The following PRKAR1B variants were observed in gnomAD, a reference collection of about 807,000 sequenced individuals.
PRKAR1B encodes protein kinase cAMP-dependent type I regulatory subunit beta.
PRKAR1B carries 22 observed loss-of-function variants against 46.5 expected under a neutral mutation model. The observed-to-expected ratio is 0.47, with a 90% CI of 0.34 to 0.68. The LOEUF (loss-of-function observed/expected upper bound fraction) is 0.68, where lower values mean the gene tolerates loss of function less well. PRKAR1B is among the 30% of genes least tolerant of loss of function. PRKAR1B has a pLI of 0.01. For missense variants in PRKAR1B, 445 were observed against 535.6 expected (o/e 0.83, Z 1.67); for synonymous variants, 259 against 217.7 (o/e 1.19, Z -1.67).
At chr7:574,946 C>T (rs953786158) in intron 9 of PRKAR1B, among the ~76,000 whole-genome samples, 9 of 152,376 alleles carry the variant, frequency 5.9e-5, no homozygotes, top group African/African-American at 2.2e-4. Flanking sequence ...AGTCGTCCTG[C>T]TGGCGGTGGA....
intron 6 of PRKAR1B, among the ~76,000 whole-genome samples, chr7:599,579 C>T (rs1052356918): frequency 2.8e-4 from 43 of 152,340 alleles, no homozygotes; most frequent in Admixed American, 2.1e-3. Flanking sequence ...TGAGCCACCA[C>T]GCCCAGCTTC....
At chr7:597,294 A>G (rs1781320113) in intron 6 of PRKAR1B, among the ~76,000 whole-genome samples, 1 of 152,246 alleles carries the variant, frequency 6.6e-6, no homozygotes, top group Non-Finnish European at 1.5e-5. Flanking sequence ...AGAGTCTTCT[A>G]TCTGAAAGAA....
intron 2 of PRKAR1B, among the ~76,000 whole-genome samples, chr7:710,106 T>C (rs1396937455): frequency 1.3e-5 from 2 of 152,224 alleles, no homozygotes; most frequent in Non-Finnish European, 2.9e-5. Flanking sequence ...GGAAGAGTTA[T>C]ATTCACTCCT....
intron 6 of PRKAR1B, among the ~76,000 whole-genome samples, chr7:601,044 C>A (rs747102494): frequency 1.3e-5 from 2 of 152,180 alleles, no homozygotes; most frequent in Non-Finnish European, 2.9e-5. Context: ...CAGAGGGCAG[C>A]GTCCACCCTG....
chr7:698,709 T>A (rs1479882321), intron 2 of PRKAR1B, among the ~76,000 whole-genome samples: 1 of 152,066 alleles, frequency 6.6e-6, no homozygotes, highest in Non-Finnish European at 1.5e-5. Flanking sequence ...CGCACAGCTA[T>A]GCATCTGGGT....
chr7:598,561 C>G (rs1404801963), intron 6 of PRKAR1B, among the ~76,000 whole-genome samples: 1 of 150,354 alleles, frequency 6.7e-6, no homozygotes, highest in African/African-American at 2.5e-5. Context: ...TAGATACCAT[C>G]ACCCTCCAGC....
chr7:577,027 G>A (rs771191462), intron 9 of PRKAR1B, among the ~76,000 whole-genome samples: 33 of 138,126 alleles, frequency 2.4e-4, no homozygotes, highest in African/African-American at 4.5e-4. Context: ...CTCACCCAAC[G>A]CCATCAGCGG....
chr7:715,570 G>A (rs908049712), intron 1 of PRKAR1B, among the ~76,000 whole-genome samples: 2 of 152,020 alleles, frequency 1.3e-5, no homozygotes, highest in African/African-American at 4.8e-5. Flanking sequence ...CTACCCCCTG[G>A]GGTAGGTTAT....
At chr7:693,215 G>A (rs1779535135) in intron 2 of PRKAR1B, among the ~76,000 whole-genome samples, 1 of 151,162 alleles carries the variant, frequency 6.6e-6, no homozygotes, top group African/African-American at 2.4e-5. Flanking sequence ...GATTACAGGT[G>A]AGAGCCAGTG....
At chr7:586,886 C>CTTTTT (rs67760235) in intron 7 of PRKAR1B, among the ~76,000 whole-genome samples, 2 of 129,324 alleles carry the variant, frequency 1.5e-5, no homozygotes, top group African/African-American at 5.9e-5. Context: ...ATCCCACCTT[C>CTTTTT]TTTTTTTTTT....
At chr7:586,804 C>G (rs1780626381) in intron 7 of PRKAR1B, among the ~76,000 whole-genome samples, 1 of 151,946 alleles carries the variant, frequency 6.6e-6, no homozygotes, top group Admixed American at 6.6e-5. Flanking sequence ...AGGCGGCTGG[C>G]ATAACACCCT....
chr7:681,104 C>T (rs1778657232), intron 2 of PRKAR1B, among the ~76,000 whole-genome samples: 1 of 151,986 alleles, frequency 6.6e-6, no homozygotes, highest in Non-Finnish European at 1.5e-5. Context: ...TGATGGGTTT[C>T]CAAGGGACTC....
intron 2 of PRKAR1B, among the ~76,000 whole-genome samples, chr7:709,371 CTTTTT>C (rs71016898): frequency 1.0e-5 from 1 of 95,642 alleles, no homozygotes; most frequent in Non-Finnish European, 2.1e-5. Flanking sequence ...GTATGTATTT[CTTTTT>C]TTTTTTTTTT....
chr7:618,851 C>G (rs1000033060), intron 4 of PRKAR1B, among the ~76,000 whole-genome samples: 1 of 152,212 alleles, frequency 6.6e-6, no homozygotes, highest in Non-Finnish European at 1.5e-5. Context: ...TTCTTACACG[C>G]AGTCACCTGT....
intron 2 of PRKAR1B, among the ~76,000 whole-genome samples, chr7:703,216 A>C (rs1780152597): frequency 6.6e-6 from 1 of 152,252 alleles, no homozygotes. Flanking sequence ...GCAATCCCAA[A>C]TGTATATGCA....
At chr7:581,915 C>T (rs1001502851) in intron 8 of PRKAR1B, among the ~76,000 whole-genome samples, 8 of 152,068 alleles carry the variant, frequency 5.3e-5, no homozygotes, top group Non-Finnish European at 7.4e-5. Context: ...GACAGGAACT[C>T]GCTATGTTAT....
chr7:720,474 G>T (rs6968859), intron 1 of PRKAR1B, among the ~76,000 whole-genome samples: 29,514 of 152,196 alleles, frequency 0.19, 3,210 homozygotes, highest in East Asian at 0.39. Context: ...TTGTTGAGTG[G>T]TGTGTTCTGC....
chr7:606,917 T>C (rs1782109290), intron 5 of PRKAR1B, among the ~76,000 whole-genome samples: 1 of 152,170 alleles, frequency 6.6e-6, no homozygotes, highest in South Asian at 2.1e-4. Context: ...TATGTATACA[T>C]GTACACACAT....
chr7:707,727 T>C (rs1340064445), intron 2 of PRKAR1B, among the ~76,000 whole-genome samples: 2 of 152,080 alleles, frequency 1.3e-5, no homozygotes, highest in Admixed American at 6.6e-5. Flanking sequence ...CAGAACACCA[T>C]GTGAAGATGA....
Sources: allele counts gnomAD v4.1 joint callset (sites outside exome capture counted in the v4.1 genomes callset), GRCh38; gene constraint gnomAD v4.1.1; transcripts MANE v1.5; gene names NCBI Gene and HGNC (gene_info 2026-07-23, HGNC 2026-07-21).